RBMS3: variants seen among roughly 807,000 people sequenced by gnomAD.
The protein encoded by RBMS3 is RNA binding motif single stranded interacting protein 3.
RBMS3 carries 27 observed loss-of-function variants against 66.8 expected under a neutral mutation model. The ratio of observed to expected loss-of-function variants is 0.40; its 90% CI spans 0.30 to 0.56. The LOEUF (loss-of-function observed/expected upper bound fraction) is 0.56, where lower values mean the gene tolerates loss of function less well. RBMS3 is among the 20% of genes least tolerant of loss of function. RBMS3 has a pLI of 0.40. For missense variants in RBMS3, 513 were observed against 549.5 expected, an observed-to-expected ratio of 0.93 and a Z score of 0.66; for synonymous variants, 188 against 183.0, an observed-to-expected ratio of 1.03 and a Z score of -0.22.
At chr3:29,457,513 G>A (rs1254780176) in intron 2 of RBMS3, among the ~76,000 whole-genome samples, 1 of 152,182 alleles carries the variant, frequency 6.6e-6, no homozygotes, top group African/African-American at 2.4e-5. Context: ...CTTGATGTCA[G>A]GAGTTCGAGA....
chr3:29,323,994 CTGA>C (rs1253849306), intron 1 of RBMS3, among the ~76,000 whole-genome samples: 1 of 35,278 alleles, frequency 2.8e-5, no homozygotes, highest in Non-Finnish European at 4.6e-5. Context: ...TTTGCCCACT[CTGA>C]AAAAAAAAAA....
At chr3:29,399,636 G>C (rs13097126) in intron 1 of RBMS3, among the ~76,000 whole-genome samples, 17,192 of 152,102 alleles carry the variant, frequency 0.11, 1,387 homozygotes, top group Admixed American at 0.25. Flanking sequence ...CATGTTAAAG[G>C]CTTCAGTAAA....
At chr3:29,705,851 C>T (rs1214969930) in intron 4 of RBMS3, among the ~76,000 whole-genome samples, 1 of 152,214 alleles carries the variant, frequency 6.6e-6, no homozygotes, top group Non-Finnish European at 1.5e-5. Context: ...TAAGTCCATA[C>T]AGTTGATGTC....
chr3:29,665,974 C>T (rs1198531318), intron 4 of RBMS3, among the ~76,000 whole-genome samples: 6 of 152,138 alleles, frequency 3.9e-5, no homozygotes, highest in Non-Finnish European at 5.9e-5. Flanking sequence ...ATCTAAAAGG[C>T]TCGTCTACAG....
At position 29,437,718 on chromosome 3, in the gene RBMS3, A is replaced by G. The variant is rs181398809; in HGVS notation, c.248+2803A>G. Among the ~76,000 whole-genome samples, 2 of 152,332 alleles carry G rather than the reference A, an allele frequency of 1.3e-5. 1 individual carries two copies. Among genetic ancestry groups the G allele is most frequent in the Non-Finnish European group, 2.9e-5 (2 of 68,034 alleles). On this transcript the variant is annotated intron_variant, in intron 2 of 14. Coordinates refer to ENST00000383767, the MANE Select transcript of RBMS3 (RefSeq NM_001003793.3). ...TCTTTCAATCTTGGCTATGCTATCA[A>G]CTGAGTCTTTGGCCTTAGAGTAATG...
chr3:29,515,339 T>G (rs369304017), intron 3 of RBMS3, among the ~76,000 whole-genome samples: 45 of 152,274 alleles, frequency 3.0e-4, no homozygotes, highest in African/African-American at 1.1e-3. Flanking sequence ...AAGGAAACAG[T>G]AAGTGATATA....
At chr3:29,584,706 T>G (rs2047450437) in intron 3 of RBMS3, among the ~76,000 whole-genome samples, 1 of 152,146 alleles carries the variant, frequency 6.6e-6, no homozygotes, top group Admixed American at 6.6e-5. Context: ...CTTTATGTCT[T>G]CCTTCTTTCC....
At chr3:29,537,511 C>T (rs1355636996) in intron 3 of RBMS3, 2 of 152,036 alleles carry the variant, frequency 1.3e-5, no homozygotes, top group African/African-American at 4.8e-5. Flanking sequence ...TCACAGGAAC[C>T]AATGCAGGAG....
At chr3:29,743,579 A>T (rs188560989) in intron 5 of RBMS3, among the ~76,000 whole-genome samples, 1 of 152,222 alleles carries the variant, frequency 6.6e-6, no homozygotes, top group Admixed American at 6.5e-5. Flanking sequence ...AGCACTTTAG[A>T]TGACTCTAAA....
chr3:29,729,028 CA>C (rs2054006497), intron 4 of RBMS3, among the ~76,000 whole-genome samples: 1 of 152,028 alleles, frequency 6.6e-6, no homozygotes, highest in African/African-American at 2.4e-5. Flanking sequence ...TACATGTGCA[CA>C]ACGTGCAGGT....
At chr3:29,783,181 T>C (rs1287052338) in intron 6 of RBMS3, among the ~76,000 whole-genome samples, 6 of 152,196 alleles carry the variant, frequency 3.9e-5, no homozygotes, top group South Asian at 2.1e-4. Flanking sequence ...ACCCCCCAAA[T>C]GCAAGAAACT....
chr3:29,940,910 T>G (rs1377591343), intron 11 of RBMS3, among the ~76,000 whole-genome samples: 1 of 151,890 alleles, frequency 6.6e-6, no homozygotes, highest in Non-Finnish European at 1.5e-5. Flanking sequence ...TATCCATAAC[T>G]TCTTATCACT....
At position 29,354,627 on chromosome 3, in the gene RBMS3, C is replaced by T. The variant is rs557495270; in HGVS notation, c.75+72871C>T. ...TATGTATACATGGAATAGCAAGTCT[C>T]TAGGGGCTTTGCTGAAGTTAAACCA... is the stretch of plus-strand genomic sequence containing the variant. On this transcript the variant is annotated intron_variant, in intron 1 of 14. Coordinates refer to ENST00000383767, the MANE Select transcript of RBMS3 (RefSeq NM_001003793.3). Among the ~76,000 whole-genome samples, 126 of 152,262 alleles carry T rather than the reference C, an allele frequency of 8.3e-4. 2 individuals are homozygous for T. The highest frequency in any genetic ancestry group is 6.0e-3 in the South Asian group (29 of 4,824).
At chr3:29,585,363 G>T (rs985195237) in intron 3 of RBMS3, among the ~76,000 whole-genome samples, 1 of 152,022 alleles carries the variant, frequency 6.6e-6, no homozygotes, top group Non-Finnish European at 1.5e-5. Flanking sequence ...TTCTCTGATG[G>T]GCTTCAGAGG....
At chr3:29,883,098 T>C (rs1012122727) in intron 7 of RBMS3, among the ~76,000 whole-genome samples, 3 of 151,998 alleles carry the variant, frequency 2.0e-5, no homozygotes, top group Non-Finnish European at 2.9e-5. Flanking sequence ...ACTTGAACAG[T>C]TTTAAATTCC....
chr3:29,818,563 T>C (rs1235742099), intron 6 of RBMS3, among the ~76,000 whole-genome samples: 3 of 152,248 alleles, frequency 2.0e-5, no homozygotes, highest in African/African-American at 7.2e-5. Flanking sequence ...ACAAATGTTG[T>C]GAAAAGTTTT....
At chr3:29,709,970 TGAG>T (rs942824311) in intron 4 of RBMS3, among the ~76,000 whole-genome samples, 42 of 152,160 alleles carry the variant, frequency 2.8e-4, no homozygotes, top group African/African-American at 8.7e-4. Flanking sequence ...GAAAGACACT[TGAG>T]GAGAAAAAAC....
chr3:29,985,659 C>A (rs1170926369), intron 12 of RBMS3, among the ~76,000 whole-genome samples: 1 of 152,112 alleles, frequency 6.6e-6, no homozygotes, highest in Non-Finnish European at 1.5e-5. Context: ...TGCTTCGGCT[C>A]ACCCTCCTTG....
intron 6 of RBMS3, among the ~76,000 whole-genome samples, chr3:29,854,117 C>T (rs1347483265): frequency 6.6e-6 from 1 of 152,156 alleles, no homozygotes; most frequent in Non-Finnish European, 1.5e-5. Context: ...CAGAAGTTCT[C>T]ATCCCCAGGG....
Sources: allele counts gnomAD v4.1 joint callset (sites outside exome capture counted in the v4.1 genomes callset), GRCh38; gene constraint gnomAD v4.1.1; transcripts MANE v1.5; gene names NCBI Gene and HGNC (gene_info 2026-07-23, HGNC 2026-07-21).